Variants in DDX3Y observed in about 807,000 individuals in gnomAD.
The protein encoded by DDX3Y is DEAD-box helicase 3 Y-linked, also known as ATP-dependent RNA helicase DDX3Y.
A neutral mutation model predicts 15.1 loss-of-function variants in DDX3Y; 2 were observed. The observed-to-expected ratio is 0.13, with a 90% CI of 0.05 to 0.42. The LOEUF (loss-of-function observed/expected upper bound fraction) is 0.42. DDX3Y is among the 10% of genes least tolerant of loss of function. DDX3Y has a pLI of 0.99. For missense variants in DDX3Y, 81 were observed against 149.9 expected (o/e 0.54, Z 2.40); for synonymous variants, 47 against 45.0 (o/e 1.04, Z -0.18).
intron 2 of DDX3Y, among the ~76,000 whole-genome samples, chrY:12,907,800 G>A (rs2053616424): frequency 3.0e-5 from 1 of 33,161 alleles, no homozygotes; most frequent in Non-Finnish European, 7.4e-5. Flanking sequence ...GCTGTGGTAC[G>A]TGCTTGTAGT....
chrY:12,917,040 C>G lies in DDX3Y; in HGVS notation c.1743C>G (p.Gly581=). 2.5e-6 allele frequency: 1 copy of G among 397,722 alleles called. No individual in the cohort carries two copies. The highest frequency in any genetic ancestry group is 3.5e-6 in the Non-Finnish European group (1 of 282,717). Residue 581 remains glycine (G), a synonymous_variant, in exon 15 of 17, where the codon GGC becomes GGG. Coordinates refer to ENST00000336079, the MANE Select transcript of DDX3Y (RefSeq NM_004660.5). ...NMAYEHHYKG[G]SRGRSKSNRF... ...CTTATGAACACCACTACAAGGGTGGCAGTCGTGGACGATCTAAAAGGTACA... is the reference window on the plus strand; with the variant it reads ...CTTATGAACACCACTACAAGGGTGGGAGTCGTGGACGATCTAAAAGGTACA...
chrY:12,904,746 T>C, upstream of DDX3Y: 2 of 157,558 alleles, frequency 1.3e-5, no homozygotes, highest in Non-Finnish European at 2.5e-5. Context: ...GATAAAGGGA[T>C]TGGGTGGTGG....
At chrY:12,907,678 A>AT in intron 2 of DDX3Y, 84 bp downstream of exon 2, 1 of 153,703 alleles carries the variant, frequency 6.5e-6, no homozygotes, top group Non-Finnish European at 1.1e-5. Flanking sequence ...TTAAATTTAC[A>AT]TTTTTTTCTT....
chrY:12,904,240 G>A, upstream of DDX3Y: 1 of 33,570 alleles, frequency 3.0e-5, no homozygotes, highest in Admixed American at 2.7e-4. Context: ...CCTGCAGAGG[G>A]ACCTTCTGCG....
At position 12,916,278 on chromosome Y, in the gene DDX3Y, T is replaced by C; in HGVS notation, c.1327T>C (p.Leu443=). ...TTTTTCAGGGAGTGATTCACTTACTTTAGTGTTTGTGGAGACCAAAAAGGG... is the reference window on the plus strand; with the variant it reads ...TTTTTCAGGGAGTGATTCACTTACTCTAGTGTTTGTGGAGACCAAAAAGGG... ...LGATGSDSLT[L]VFVETKKGAD... Residue 443 remains leucine (L), a synonymous_variant, in exon 13 of 17, where the codon TTA becomes CTA. Coordinates refer to ENST00000336079, the MANE Select transcript of DDX3Y (RefSeq NM_004660.5). The C allele has an allele frequency of 1.0e-5, 4 of 397,966 alleles. No individual in the cohort carries two copies. The highest frequency in any genetic ancestry group is 1.4e-5 in the Non-Finnish European group (4 of 283,283).
chrY:12,907,520 A>G lies in DDX3Y; in HGVS notation c.46-17A>G. 5 of 348,764 alleles carry G rather than the reference A, an allele frequency of 1.4e-5. No individual in the cohort carries two copies. Among genetic ancestry groups the G allele is most frequent in the African/African-American group, 6.7e-5 (1 of 14,878 alleles). The allele number at this position is 348,764 out of a possible 400,897, so 87.0% of individuals were successfully genotyped here. A position where few individuals can be genotyped will look rare whatever the true frequency, so the allele number is the denominator to read the frequency against. On this transcript the variant is annotated splice_polypyrimidine_tract_variant and intron_variant, in intron 1 of 16. Coordinates refer to ENST00000336079, the MANE Select transcript of DDX3Y (RefSeq NM_004660.5). Reference sequence around the variant, plus strand: ...GTTCTTGTGTATCAGCATGTGAGCTATTGATATCTCTTCTAGCTTGCTAAT... The same window carrying G: ...GTTCTTGTGTATCAGCATGTGAGCTGTTGATATCTCTTCTAGCTTGCTAAT...
intron 14 of DDX3Y, 97 bp from the exon 15 acceptor site, chrY:12,916,810 T>C: frequency 6.1e-5 from 15 of 247,429 alleles, no homozygotes; most frequent in Non-Finnish European, 8.0e-5. Flanking sequence ...AATTACAATG[T>C]CGTATTTTAG....
chrY:12,914,261 G>A, intron 7 of DDX3Y, among the ~76,000 whole-genome samples: 1 of 33,965 alleles, frequency 2.9e-5, no homozygotes, highest in Non-Finnish European at 7.3e-5. Flanking sequence ...AGAGCCATGT[G>A]GCTCTTTACA....
In DDX3Y at chrY:12,912,897, T is replaced by G. The variant is rs759409815; in HGVS notation, c.437+15T>G. 3.5e-5 allele frequency: 14 copies of G among 395,975 alleles called. No homozygotes were observed. On this transcript the variant is annotated intron_variant, in intron 5 of 16. Transcript: ENST00000336079. ...CGCTTGGAGCAGTAAGTTTTTGAAATGTATGTTAATTGTTATGAAATTTAT... is the reference window on the plus strand; with the variant it reads ...CGCTTGGAGCAGTAAGTTTTTGAAAGGTATGTTAATTGTTATGAAATTTAT...
At position 12,920,383 on chromosome Y, in the gene DDX3Y, A is replaced by G; in HGVS notation, c.*2261A>G. ...TAATCATTGAACCTCGAGTCACTGTAAAAGTTCAGTAATTGCTTATTGTAT... is the reference window on the plus strand; with the variant it reads ...TAATCATTGAACCTCGAGTCACTGTGAAAGTTCAGTAATTGCTTATTGTAT... On this transcript the variant is annotated 3_prime_UTR_variant, in exon 17 of 17. Transcript: ENST00000336079. The G allele has an allele frequency of 2.9e-5, 1 of 34,200 alleles. No homozygotes were observed. The highest frequency in any genetic ancestry group is 7.3e-5 in the Non-Finnish European group (1 of 13,694). The allele number at this position is 34,200 out of a possible 400,897, so 8.5% of individuals were successfully genotyped here. A position where few individuals can be genotyped will look rare whatever the true frequency, so the allele number is the denominator to read the frequency against.
At chrY:12,904,140 C>T, upstream of DDX3Y, 1 of 33,984 alleles carries the variant, frequency 2.9e-5, no homozygotes, top group African/African-American at 1.2e-4. Flanking sequence ...TGAACCCCAG[C>T]AGCCTAACCC....
In DDX3Y at chrY:12,918,863, A is replaced by G; in HGVS notation, c.*741A>G. 1.8e-4 allele frequency: 6 copies of G among 33,457 alleles called. No individual in the cohort carries two copies. Among genetic ancestry groups the G allele is most frequent in the Admixed American group, 1.6e-3 (6 of 3,667 alleles). 8.3% of individuals were successfully genotyped at this position (33,457 alleles called of 400,897 possible). A position where few individuals can be genotyped will look rare whatever the true frequency, so the allele number is the denominator to read the frequency against. ...AGCTCTTTTAGGTTAATTTAAGTACAGCAATTTCTCATGTAATGTTTAGGG... is the reference window on the plus strand; with the variant it reads ...AGCTCTTTTAGGTTAATTTAAGTACGGCAATTTCTCATGTAATGTTTAGGG... On this transcript the variant is annotated 3_prime_UTR_variant, in exon 17 of 17. Coordinates refer to ENST00000336079, the MANE Select transcript of DDX3Y (RefSeq NM_004660.5).
chrY:12,905,608 C>T, intron 1 of DDX3Y: 1 of 115,472 alleles, frequency 8.7e-6, no homozygotes, highest in East Asian at 2.7e-4. Flanking sequence ...TATCCTGTAT[C>T]TTGTTTCTGG....
At chrY:12,910,973 C>T (rs369523620) in intron 3 of DDX3Y, among the ~76,000 whole-genome samples, 3 of 28,492 alleles carry the variant, frequency 1.1e-4, no homozygotes, top group African/African-American at 4.2e-4. Context: ...TACAGTGGCG[C>T]GATCTCAGCT....
At position 12,916,998 on chromosome Y, in the gene DDX3Y, T is replaced by C. The variant is rs2053650625; in HGVS notation, c.1701T>C (p.Ser567=). ...TAGAAGCTAAACAAGAAGTGCCTTC[T>C]TGGTTGGAAAATATGGCTTATGAAC... The part of the protein sequence containing the change: ...LLVEAKQEVP[S]WLENMAYEHH... Residue 567 remains serine (S), a synonymous_variant, in exon 15 of 17, where the codon TCT becomes TCC. Transcript: ENST00000336079. 1 of 395,627 alleles carries C rather than the reference T, an allele frequency of 2.5e-6. No homozygotes were observed. Among genetic ancestry groups the C allele is most frequent in the Non-Finnish European group, 3.5e-6 (1 of 282,134 alleles).
chrY:12,920,373 G>A lies in DDX3Y; in HGVS notation c.*2251G>A. On this transcript the variant is annotated 3_prime_UTR_variant, in exon 17 of 17. Coordinates refer to ENST00000336079, the MANE Select transcript of DDX3Y (RefSeq NM_004660.5). The stretch of plus-strand genomic sequence containing the variant: ...TTGCTGAATGTAATCATTGAACCTC[G>A]AGTCACTGTAAAAGTTCAGTAATTG... The A allele has an allele frequency of 2.9e-5, 1 of 33,921 alleles. No homozygotes were observed. The highest frequency in any genetic ancestry group is 7.3e-5 in the Non-Finnish European group (1 of 13,622). The allele number at this position is 33,921 out of a possible 400,897, so 8.5% of individuals were successfully genotyped here. A position where few individuals can be genotyped will look rare whatever the true frequency, so the allele number is the denominator to read the frequency against.
chrY:12,911,800 A>C, intron 3 of DDX3Y, 39 bp from the exon 4 acceptor site: 1 of 384,534 alleles, frequency 2.6e-6, no homozygotes, highest in Non-Finnish European at 3.6e-6. Flanking sequence ...AATTATTCAA[A>C]AGTCTTGTCA....
chrY:12,914,163 A>G (rs1008455282), intron 7 of DDX3Y, among the ~76,000 whole-genome samples: 6 of 34,202 alleles, frequency 1.8e-4, no homozygotes, highest in African/African-American at 6.9e-4. Context: ...TTATTTTTCA[A>G]TAGCTGTATT....
intron 1 of DDX3Y, among the ~76,000 whole-genome samples, chrY:12,905,456 G>C: frequency 2.9e-5 from 1 of 34,267 alleles, no homozygotes. Flanking sequence ...AGAAAGAGTA[G>C]TATGGTCTTT....
Sources: allele counts gnomAD v4.1 joint callset (sites outside exome capture counted in the v4.1 genomes callset), GRCh38; gene constraint gnomAD v4.1.1; transcripts MANE v1.5; gene names NCBI Gene and HGNC (gene_info 2026-07-23, HGNC 2026-07-21).